NPY2R: variants seen among roughly 807,000 people sequenced by gnomAD.
NPY2R encodes the protein neuropeptide Y receptor Y2, also known as neuropeptide Y receptor type 2.
In NPY2R, 17 loss-of-function variants were observed where a neutral mutation model predicts 22.3. The ratio of observed to expected loss-of-function variants is 0.76; its 90% CI spans 0.52 to 1.14. NPY2R has a LOEUF of 1.14. Among genes scored for constraint, NPY2R ranks in the 50% most tolerant of loss-of-function variants. NPY2R has a pLI of 0.00. For synonymous variants in NPY2R, 209 were observed against 183.4 expected, an observed-to-expected ratio of 1.14 and a Z score of -1.13; for missense variants, 424 against 467.9, an observed-to-expected ratio of 0.91 and a Z score of 0.87.
chr4:155,198,314 G>C, the NPY2R span, among the ~76,000 whole-genome samples: 1 of 151,466 alleles, frequency 6.6e-6, no homozygotes, highest in Non-Finnish European at 1.5e-5. Context: ...TTATATGCCT[G>C]ATGAAAGCAT....
the NPY2R span, among the ~76,000 whole-genome samples, chr4:155,182,487 C>T: frequency 1.3e-5 from 2 of 151,984 alleles, no homozygotes; most frequent in Non-Finnish European, 2.9e-5. Context: ...TTGGTGGCTG[C>T]ATCATGGAAT....
At chr4:155,197,640 A>T in the NPY2R span, among the ~76,000 whole-genome samples, 25 of 152,156 alleles carry the variant, frequency 1.6e-4, no homozygotes, top group African/African-American at 5.1e-4. Context: ...TAGATTCCTA[A>T]TAGTAACTTT....
chr4:155,205,854 T>TATGA (rs1156770596), upstream of NPY2R, among the ~76,000 whole-genome samples: 5 of 150,460 alleles, frequency 3.3e-5, no homozygotes, highest in Non-Finnish European at 5.9e-5. Context: ...TCTATCTATC[T>TATGA]ATGATTTCTT....
the NPY2R span, among the ~76,000 whole-genome samples, chr4:155,180,681 A>T: frequency 6.6e-6 from 1 of 151,938 alleles, no homozygotes; most frequent in Non-Finnish European, 1.5e-5. Flanking sequence ...ATATTTGATG[A>T]CTATTTTTTC....
At chr4:155,176,292 C>T in the NPY2R span, among the ~76,000 whole-genome samples, 1 of 151,898 alleles carries the variant, frequency 6.6e-6, no homozygotes, top group African/African-American at 2.4e-5. Flanking sequence ...GCAGCAGGAC[C>T]TAGTGAAGCT....
the NPY2R span, among the ~76,000 whole-genome samples, chr4:155,190,737 T>C: frequency 6.6e-6 from 1 of 151,704 alleles, no homozygotes. Flanking sequence ...GGAATTTACC[T>C]GGGTGCACCT....
the NPY2R span, among the ~76,000 whole-genome samples, chr4:155,201,457 A>G: frequency 1.3e-5 from 2 of 152,178 alleles, no homozygotes; most frequent in Non-Finnish European, 2.9e-5. Context: ...TCAAGTTACC[A>G]TCATTCTTCA....
At chr4:155,183,570 T>C in the NPY2R span, among the ~76,000 whole-genome samples, 5 of 152,254 alleles carry the variant, frequency 3.3e-5, no homozygotes, top group African/African-American at 1.2e-4. Flanking sequence ...TCTACATACA[T>C]TTATGGGCAA....
At chr4:155,188,629 G>A in the NPY2R span, among the ~76,000 whole-genome samples, 20 of 152,066 alleles carry the variant, frequency 1.3e-4, no homozygotes, top group Non-Finnish European at 2.8e-4. Context: ...TGACTTTAAT[G>A]AAGTAAACCT....
chr4:155,214,044 C>G lies in NPY2R; in HGVS notation c.105C>G (p.Asp35Glu). Residue 35 changes from aspartate (D) to glutamate (E), a missense_variant, in exon 2 of 2, where the codon GAC (aspartate) becomes GAG (glutamate). Coordinates refer to ENST00000329476, the MANE Select transcript of NPY2R (RefSeq NM_000910.4). ...QTTPRGELVP[D>E]PEPELIDSTK... ...CTCCTAGAGGTGAACTGGTCCCTGA[C>G]CCTGAGCCAGAGCTTATAGATAGTA... The G allele has an allele frequency of 6.2e-7, 1 of 1,613,914 alleles. No individual in the cohort carries two copies. Among genetic ancestry groups the G allele is most frequent in the Non-Finnish European group, 8.5e-7 (1 of 1,179,846 alleles).
At chr4:155,174,484 A>ATATATATATATATATATATTTTT in the NPY2R span, among the ~76,000 whole-genome samples, 67 of 106,038 alleles carry the variant, frequency 6.3e-4, no homozygotes, top group Admixed American at 8.6e-4. Context: ...ATATATATAT[A>ATATATATATATATATATATTTTT]TTTTTTTTTT....
chr4:155,187,422 C>A, the NPY2R span, among the ~76,000 whole-genome samples: 2 of 152,210 alleles, frequency 1.3e-5, no homozygotes, highest in East Asian at 3.9e-4. Context: ...TGAGGAATAA[C>A]ATTTTGTATG....
chr4:155,195,092 C>A, the NPY2R span, among the ~76,000 whole-genome samples: 1 of 151,806 alleles, frequency 6.6e-6, no homozygotes, highest in African/African-American at 2.4e-5. Flanking sequence ...CAATGGATAA[C>A]TTATATCTAC....
chr4:155,200,514 A>G, the NPY2R span, among the ~76,000 whole-genome samples: 5 of 152,266 alleles, frequency 3.3e-5, no homozygotes, highest in East Asian at 3.9e-4. Flanking sequence ...TATATACTCA[A>G]AGGAATATAG....
At position 155,214,866 on chromosome 4, in the gene NPY2R, G is replaced by C. The variant is rs374553448; in HGVS notation, c.927G>C (p.Val309=). 31 of 1,610,392 alleles carry C rather than the reference G, an allele frequency of 1.9e-5. No individual in the cohort carries two copies. The highest frequency in any genetic ancestry group is 2.7e-5 in the African/African-American group (2 of 74,760). The change falls in exon 2 of 2, where the codon GTG becomes GTC. Residue 309 remains valine (V), a synonymous_variant. Coordinates refer to ENST00000329476, the MANE Select transcript of NPY2R (RefSeq NM_000910.4). ...DLKEYKLIFT[V]FHIIAMCSTF... is the part of the protein sequence containing the mutation. The stretch of plus-strand genomic sequence containing the variant: ...AGGAGTACAAACTCATCTTCACAGT[G>C]TTCCACATCATCGCCATGTGCTCCA...
chr4:155,194,969 T>C, the NPY2R span, among the ~76,000 whole-genome samples: 84 of 152,084 alleles, frequency 5.5e-4, no homozygotes, highest in Middle Eastern at 3.4e-3. Flanking sequence ...TTTTGGTTTG[T>C]ATTTCTCTAA....
At chr4:155,191,717 C>G in the NPY2R span, among the ~76,000 whole-genome samples, 1 of 151,810 alleles carries the variant, frequency 6.6e-6, no homozygotes, top group South Asian at 2.1e-4. Flanking sequence ...ATTAACCATG[C>G]ATTTTACTTT....
chr4:155,175,664 A>T, the NPY2R span, among the ~76,000 whole-genome samples: 1 of 152,182 alleles, frequency 6.6e-6, no homozygotes, highest in Non-Finnish European at 1.5e-5. Context: ...GTAGTGTCAA[A>T]CAAAAATGAC....
intron 1 of NPY2R, among the ~76,000 whole-genome samples, chr4:155,213,392 A>G (rs2111043315): frequency 6.6e-6 from 1 of 152,328 alleles, no homozygotes; most frequent in Non-Finnish European, 1.5e-5. Flanking sequence ...TCATAGTCCC[A>G]AGGTTCAGGC....
Sources: allele counts gnomAD v4.1 joint callset (sites outside exome capture counted in the v4.1 genomes callset), GRCh38; gene constraint gnomAD v4.1.1; transcripts MANE v1.5; gene names NCBI Gene and HGNC (gene_info 2026-07-23, HGNC 2026-07-21).